The following PDGFRB variants were observed in gnomAD, a reference collection of about 807,000 sequenced individuals.
PDGFRB encodes the protein platelet-derived growth factor receptor beta.
PDGFRB carries 42 observed loss-of-function variants against 120.2 expected under a neutral mutation model. The ratio of observed to expected loss-of-function variants is 0.35; its 90% CI spans 0.27 to 0.45. PDGFRB has a LOEUF of 0.45. PDGFRB is among the 20% of genes least tolerant of loss of function. The probability of loss-of-function intolerance (pLI) is 1.00; values close to 1 mark genes in which losing one functional copy is unlikely to be tolerated. For missense variants in PDGFRB, 1,149 were observed against 1,476.3 expected, an observed-to-expected ratio of 0.78 and a Z score of 3.63; for synonymous variants, 586 against 606.8, an observed-to-expected ratio of 0.97 and a Z score of 0.50.
At chr5:150,124,219 C>T in intron 14 of PDGFRB, 31 bp downstream of exon 14, 2 of 1,499,404 alleles carry the variant, frequency 1.3e-6, no homozygotes, top group Non-Finnish European at 1.9e-6. Context: ...GGGCACTTTC[C>T]CTGAGGCCTC....
Position 150,113,852 on chromosome 5 carries a change from C to T in PDGFRB, c.*1911G>A, listed in dbSNP as rs1159893563. ...GACCACAAAGTCTGTGAGTGAGAAGCACCAGGTTTAATATTAAAATCTTTC... is the reference window on the plus strand; with the variant it reads ...GACCACAAAGTCTGTGAGTGAGAAGTACCAGGTTTAATATTAAAATCTTTC... On this transcript the variant is annotated 3_prime_UTR_variant, in exon 23 of 23. Transcript: ENST00000261799. The T allele has an allele frequency of 1.3e-5, 3 of 230,122 alleles. No individual in the cohort carries two copies. In the East Asian group the frequency reaches 1.9e-4, roughly 14 times the overall value. The allele number at this position is 230,122 out of a possible 1,614,324, so 14.3% of individuals were successfully genotyped here. A position where few individuals can be genotyped will look rare whatever the true frequency, so the allele number is the denominator to read the frequency against.
chr5:150,134,892 C>T lies in PDGFRB; in HGVS notation c.489G>A (p.Lys163=). The change falls in exon 4 of 23, where the codon AAG becomes AAA. Residue 163 remains lysine, a synonymous_variant. Coordinates refer to ENST00000261799, the MANE Select transcript of PDGFRB (RefSeq NM_002609.4). ...GGACAGGCAGTGCAACGTCCCCTTTCTTCTCGTGCAGTGTCACCACCAGCT... is the reference window on the plus strand; with the variant it reads ...GGACAGGCAGTGCAACGTCCCCTTTTTTCTCGTGCAGTGTCACCACCAGCT... The part of the protein sequence containing the change: ...DPQLVVTLHE[K]KGDVALPVPY... 6.2e-7 allele frequency: 1 copy of T among 1,614,128 alleles called. No individual in the cohort carries two copies. The highest frequency in any genetic ancestry group is 1.3e-5 in the African/African-American group (1 of 75,068).
intron 10 of PDGFRB, among the ~76,000 whole-genome samples, chr5:150,127,316 G>A (rs991606950): frequency 2.0e-5 from 3 of 152,068 alleles, no homozygotes; most frequent in African/African-American, 7.2e-5. Flanking sequence ...CGCCAGACCT[G>A]CCTCTCCCCT....
In PDGFRB at chr5:150,132,738, C is replaced by G. The variant is rs768633644; in HGVS notation, c.1127+12G>C. ...TAACTTCAAGAATGGGATGGGAGAG[C>G]GAGCTGCTCACCGGGTCTCCGACAC... On this transcript the variant is annotated intron_variant, in intron 7 of 22. Transcript: ENST00000261799. The surrounding 1 kb of genome is among the most constrained non-coding windows in gnomAD (Gnocchi z 5.0). 1.2e-6 allele frequency: 2 copies of G among 1,607,006 alleles called. No individual in the cohort carries two copies. The highest frequency in any genetic ancestry group is 8.5e-7 in the Non-Finnish European group (1 of 1,175,658).
chr5:150,121,128 C>T lies in PDGFRB; in HGVS notation c.2463+76G>A, dbSNP rs932152201. 2 of 1,372,738 alleles carry T rather than the reference C, an allele frequency of 1.5e-6. No individual in the cohort carries two copies. Among genetic ancestry groups the T allele is most frequent in the Non-Finnish European group, 1.0e-6 (1 of 959,980 alleles). 85.0% of individuals were successfully genotyped at this position (1,372,738 alleles called of 1,614,324 possible). On this transcript the variant is annotated intron_variant, in intron 17 of 22. Transcript: ENST00000261799. The surrounding 1 kb of genome is among the most constrained non-coding windows in gnomAD (Gnocchi z 4.1). ...ATGTGCGAGAGGCCACCCTGGTGTG[C>T]TCTTGGAGGATGCTGGCTGGCTGGG...
At chr5:150,145,219 G>C (rs749345231) in intron 1 of PDGFRB, among the ~76,000 whole-genome samples, 4 of 152,184 alleles carry the variant, frequency 2.6e-5, no homozygotes, top group African/African-American at 4.8e-5. Context: ...TCTTCCTTGT[G>C]ATTTTCTTTC....
At chr5:150,135,503 C>T in intron 3 of PDGFRB, 52 bp downstream of exon 3, 2 of 1,143,632 alleles carry the variant, frequency 1.7e-6, no homozygotes, top group Non-Finnish European at 2.5e-6. Flanking sequence ...CCCCTGATGC[C>T]TCCAGTTGAC....
At position 150,114,204 on chromosome 5, in the gene PDGFRB, A is replaced by G. The variant is rs527848197; in HGVS notation, c.*1559T>C. The G allele has an allele frequency of 4.3e-6, 1 of 233,100 alleles. No individual in the cohort carries two copies. The highest frequency in any genetic ancestry group is 8.5e-6 in the Non-Finnish European group (1 of 117,940). 14.4% of individuals were successfully genotyped at this position (233,100 alleles called of 1,614,324 possible). The stretch of plus-strand genomic sequence containing the variant: ...TGCCCACTGGGCTGGGGACAATGAG[A>G]TGTCACTGCTAGGTCTGGGCAGTGA... On this transcript the variant is annotated 3_prime_UTR_variant, in exon 23 of 23. Transcript: ENST00000261799.
In PDGFRB at chr5:150,153,048, G is replaced by A. The variant is rs117361135; in HGVS notation, c.-7+2349C>T. Among the ~76,000 whole-genome samples, 225 of 152,334 alleles carry A rather than the reference G, an allele frequency of 1.5e-3. 5 individuals carry two copies. The East Asian group carries it at 0.042, about 28-fold the overall frequency. On this transcript the variant is annotated intron_variant, in intron 1 of 22. Coordinates refer to ENST00000261799, the MANE Select transcript of PDGFRB (RefSeq NM_002609.4). ...GTGCTGGTTACCCACAGCGCTCACT[G>A]CCTCCCAGCTGCGGAAGGAGCCCAG... is the stretch of plus-strand genomic sequence containing the variant.
intron 1 of PDGFRB, among the ~76,000 whole-genome samples, chr5:150,149,948 G>C (rs529785148): frequency 6.6e-6 from 1 of 152,338 alleles, no homozygotes; most frequent in African/African-American, 2.4e-5. Flanking sequence ...GCTAAGGGCA[G>C]AGCTGGATGG....
chr5:150,121,912 T>C lies in PDGFRB; in HGVS notation c.2312A>G (p.Tyr771Cys). Residue 771 changes from tyrosine (Y) to cysteine (C), a missense_variant, in exon 16 of 23, where the codon TAC becomes TGC. Transcript: ENST00000261799. The surrounding 1 kb of genome is among the most constrained non-coding windows in gnomAD (Gnocchi z 4.1). ...VKYADIESSN[Y>C]MAPYDNYVPS... ...AACGTAGTTATCGTAAGGGGCCATGTAGTTGGAGGACTCGATGTCTGCATA... is the reference window on the plus strand; with the variant it reads ...AACGTAGTTATCGTAAGGGGCCATGCAGTTGGAGGACTCGATGTCTGCATA... 6.2e-7 allele frequency: 1 copy of C among 1,613,584 alleles called. No individual in the cohort carries two copies. Among genetic ancestry groups the C allele is most frequent in the Non-Finnish European group, 8.5e-7 (1 of 1,179,470 alleles).
intron 1 of PDGFRB, among the ~76,000 whole-genome samples, chr5:150,143,100 T>C (rs1436334731): frequency 6.6e-6 from 1 of 151,962 alleles, no homozygotes; most frequent in Non-Finnish European, 1.5e-5. Flanking sequence ...GTGGGTAGCG[T>C]ATATGGACAA....
rs1368349249 is a variant in PDGFRB, at chr5:150,132,952, G to T, written c.935-10C>A. On this transcript the variant is annotated splice_polypyrimidine_tract_variant and intron_variant, in intron 6 of 22. Coordinates refer to ENST00000261799, the MANE Select transcript of PDGFRB (RefSeq NM_002609.4). This position sits in a 1 kb window ranked among gnomAD's most constrained non-coding sequence, Gnocchi z 5.0. ...CGCACGTAGCCGCTCTCTGCAAGGG[G>T]TGACCGTCAGGGGCGGGGCCCTGGG... The T allele has an allele frequency of 2.6e-6, 4 of 1,545,450 alleles. No homozygotes were observed. In the African/African-American group the frequency reaches 5.5e-5, roughly 21 times the overall value.
chr5:150,129,159 T>C (rs1436570017), intron 10 of PDGFRB, among the ~76,000 whole-genome samples: 1 of 152,246 alleles, frequency 6.6e-6, no homozygotes, highest in Non-Finnish European at 1.5e-5. Flanking sequence ...ACATGCACTA[T>C]GCCAGTTTGC....
chr5:150,138,348 C>G (rs1030431515), intron 1 of PDGFRB, among the ~76,000 whole-genome samples: 3 of 152,180 alleles, frequency 2.0e-5, no homozygotes, highest in African/African-American at 7.2e-5. Context: ...CGGGTTCAGG[C>G]CCCAGCATGC....
chr5:150,136,358 G>A (rs1446666419), intron 2 of PDGFRB, among the ~76,000 whole-genome samples: 1 of 152,202 alleles, frequency 6.6e-6, no homozygotes, highest in Non-Finnish European at 1.5e-5. Flanking sequence ...AAAAGATGCT[G>A]AGGCCCTTTT....
At chr5:150,117,504 C>T (rs948113003) in intron 22 of PDGFRB, 114 bp downstream of exon 22, 1 of 647,418 alleles carries the variant, frequency 1.5e-6, no homozygotes, top group Non-Finnish European at 2.8e-6. Context: ...CCCTACGTAA[C>T]TTACCTCTGA....
intron 12 of PDGFRB, 94 bp from the exon 13 acceptor site, chr5:150,124,925 G>A: frequency 8.1e-6 from 4 of 494,568 alleles, no homozygotes; most frequent in Middle Eastern, 5.3e-4. Context: ...ACCCCCGGCC[G>A]CTATCACCCT....
chr5:150,143,967 G>A (rs769177896), intron 1 of PDGFRB, among the ~76,000 whole-genome samples: 20 of 152,068 alleles, frequency 1.3e-4, no homozygotes, highest in Non-Finnish European at 2.4e-4. Flanking sequence ...CTGCTTCTAG[G>A]CCCGGGGTCC....
Sources: allele counts gnomAD v4.1 joint callset (sites outside exome capture counted in the v4.1 genomes callset), GRCh38; gene constraint gnomAD v4.1.1; non-coding constraint Gnocchi (gnomAD v3.1); transcripts MANE v1.5; gene names NCBI Gene and HGNC (gene_info 2026-07-23, HGNC 2026-07-21).